Variants in DHX16 observed in about 807,000 individuals in gnomAD.
DHX16 encodes pre-mRNA-splicing factor ATP-dependent RNA helicase DHX16.
Under a neutral mutation model 131.2 loss-of-function variants are expected in DHX16, and 81 were observed. The ratio of observed to expected loss-of-function variants is 0.62; its 90% CI spans 0.52 to 0.74. DHX16 has a LOEUF of 0.74. Among genes scored for constraint, DHX16 ranks in the 30% least tolerant of loss-of-function variants. The pLI is 0.00. For missense variants in DHX16, 980 were observed against 1,363.1 expected (o/e 0.72, Z 4.43); for synonymous variants, 440 against 520.2 (o/e 0.85, Z 2.10).
chr6:30,672,729 G>A lies in DHX16; in HGVS notation c.113C>T (p.Thr38Ile), dbSNP rs1376516811. The change falls in exon 1 of 20, where the codon ACC (threonine) becomes ATC (isoleucine). Residue 38 changes from threonine to isoleucine, a missense_variant. By Grantham distance (89) the Thr-to-Ile change is moderately conservative (BLOSUM62 -1). Coordinates refer to ENST00000376442, the MANE Select transcript of DHX16 (RefSeq NM_003587.5). ...QFLIGTAQRC[T>I]SAEEFVQRLR... ...GCGCTGCACGAACTCCTCGGCAGAG[G>A]TGCAGCGCTGTGCGGTACCGATCAG... The A allele has an allele frequency of 8.1e-6, 13 of 1,612,910 alleles. No homozygotes were observed. The highest frequency in any genetic ancestry group is 1.1e-5 in the South Asian group (1 of 91,086).
intron 4 of DHX16, among the ~76,000 whole-genome samples, chr6:30,669,491 C>A (rs1769335504): frequency 6.6e-6 from 1 of 151,876 alleles, no homozygotes; most frequent in African/African-American, 2.4e-5. Flanking sequence ...GGCATGGTGG[C>A]TCACGCCTGT....
At chr6:30,671,414 C>G in intron 1 of DHX16, 140 bp from the exon 2 acceptor site, 4 of 782,834 alleles carry the variant, frequency 5.1e-6, no homozygotes, top group Non-Finnish European at 8.4e-6. Flanking sequence ...ATGGCGTGAT[C>G]TCGGCTCACT....
chr6:30,659,936 A>G, intron 10 of DHX16, 96 bp downstream of exon 10: 1 of 1,555,184 alleles, frequency 6.4e-7, no homozygotes, highest in Non-Finnish European at 8.8e-7. Flanking sequence ...TTCCCCTTTG[A>G]ACCTTCCATT....
At position 30,665,789 on chromosome 6, in the gene DHX16, T is replaced by C; in HGVS notation, c.667-56A>G. The C allele has an allele frequency of 6.4e-7, 1 of 1,569,268 alleles. No homozygotes were observed. The highest frequency in any genetic ancestry group is 8.6e-7 in the Non-Finnish European group (1 of 1,163,596). On this transcript the variant is annotated intron_variant, in intron 4 of 19. Coordinates refer to ENST00000376442, the MANE Select transcript of DHX16 (RefSeq NM_003587.5). The surrounding 1 kb of genome is among the most constrained non-coding windows in gnomAD (Gnocchi z 4.8). Reference sequence around the variant, plus strand: ...TCTTGCTGGAGGAGCAACCCCTTTCTCTACCAATCCCTACAAGGGAAAAAT... The same window carrying C: ...TCTTGCTGGAGGAGCAACCCCTTTCCCTACCAATCCCTACAAGGGAAAAAT...
At chr6:30,660,960 T>C (rs576345384) in intron 9 of DHX16, among the ~76,000 whole-genome samples, 78 of 151,630 alleles carry the variant, frequency 5.1e-4, no homozygotes, top group Admixed American at 2.0e-3. Flanking sequence ...TGTAGTGGCA[T>C]GATCTCAGCT....
In DHX16 at chr6:30,656,269, A is replaced by C. The variant is rs1767971282; in HGVS notation, c.2431-4T>G. The C allele has an allele frequency of 6.2e-7, 1 of 1,613,864 alleles. No individual in the cohort carries two copies. The highest frequency in any genetic ancestry group is 1.1e-5 in the South Asian group (1 of 91,078). Reference sequence around the variant, plus strand: ...GCTCTGCCATCTTTCGACCAGACTAAGGAGAAGAGAGAGAGAGTTGAGCCC... The same window carrying C: ...GCTCTGCCATCTTTCGACCAGACTACGGAGAAGAGAGAGAGAGTTGAGCCC... On this transcript the variant is annotated splice_region_variant and splice_polypyrimidine_tract_variant and intron_variant, in intron 15 of 19. Transcript: ENST00000376442. The surrounding 1 kb of genome is among the most constrained non-coding windows in gnomAD (Gnocchi z 5.1).
At chr6:30,661,898 T>C in intron 9 of DHX16, 1 of 717,588 alleles carries the variant, frequency 1.4e-6, no homozygotes, top group South Asian at 1.5e-5. Context: ...AAGGATAAAA[T>C]CCTATCTGTC....
intron 4 of DHX16, among the ~76,000 whole-genome samples, chr6:30,668,070 T>C (rs1769204352): frequency 6.6e-6 from 1 of 152,236 alleles, no homozygotes; most frequent in Admixed American, 6.5e-5. Flanking sequence ...TCTTAGTCGA[T>C]ACATAAGAAT....
chr6:30,667,581 C>CAA (rs34046923), intron 4 of DHX16, among the ~76,000 whole-genome samples: 30 of 87,434 alleles, frequency 3.4e-4, no homozygotes, highest in African/African-American at 8.0e-4. Flanking sequence ...GACTCTGTCT[C>CAA]AAAAAAAAAA....
chr6:30,670,433 C>A lies in DHX16; in HGVS notation c.643G>T (p.Ala215Ser), dbSNP rs1169533544. ...ACCATGGCCTTCCGGTCTTCCTCGG[C>A]CATCTTGAGGCGCTTCTGAGCCTCT... ...YEEAQKRLKM[A>S]EEDRKAMVPE... The change falls in exon 4 of 20, where the codon GCC becomes TCC. Residue 215 changes from alanine (A) to serine (S), a missense_variant. Physicochemically the swap from Ala to Ser is moderately conservative, Grantham distance 99 (BLOSUM62 1). This residue lies in a region of DHX16 where 457 missense variants were observed against 554.8 expected (regional missense o/e 0.82). Transcript: ENST00000376442. This position sits in a 1 kb window ranked among gnomAD's most constrained non-coding sequence, Gnocchi z 4.4. 9 of 1,611,308 alleles carry A rather than the reference C, an allele frequency of 5.6e-6. No individual in the cohort carries two copies. The highest frequency in any genetic ancestry group is 7.6e-6 in the Non-Finnish European group (9 of 1,179,196).
rs766194288 is a variant in DHX16, at chr6:30,655,281, C to G, written c.2717G>C (p.Arg906Thr). 3.7e-6 allele frequency: 6 copies of G among 1,614,206 alleles called. No homozygotes were observed. Among genetic ancestry groups the G allele is most frequent in the Non-Finnish European group, 5.1e-6 (6 of 1,180,040 alleles). ...CACATCCCGGGCTCGGCGCATCGAT[C>G]TGAACTGTACAAAGTTCTCATAGCA... Reference protein sequence around the residue: ...QWCYENFVQFRSMRRARDVRE... With the variant: ...QWCYENFVQFTSMRRARDVRE... The change falls in exon 18 of 20, where the codon AGA (arginine) becomes ACA (threonine). Residue 906 changes from arginine (R) to threonine (T), a missense_variant. This residue lies in a region of DHX16 where 214 missense variants were observed against 271.2 expected (regional missense o/e 0.79). Transcript: ENST00000376442.
chr6:30,665,807 G>A lies in DHX16; in HGVS notation c.667-74C>T. On this transcript the variant is annotated intron_variant, in intron 4 of 19. Transcript: ENST00000376442. The surrounding 1 kb of genome is among the most constrained non-coding windows in gnomAD (Gnocchi z 4.8). The stretch of plus-strand genomic sequence containing the variant: ...CCCTTTCTCTACCAATCCCTACAAG[G>A]GAAAAATCCCCTGACAGGCAGGCAT... 1 of 1,532,858 alleles carries A rather than the reference G, an allele frequency of 6.5e-7. No individual in the cohort carries two copies. Among genetic ancestry groups the A allele is most frequent in the South Asian group, 1.2e-5 (1 of 80,290 alleles). 95.0% of individuals were successfully genotyped at this position (1,532,858 alleles called of 1,614,324 possible). A position where few individuals can be genotyped will look rare whatever the true frequency, so the allele number is the denominator to read the frequency against.
At chr6:30,661,796 A>G in intron 9 of DHX16, 2 of 717,828 alleles carry the variant, frequency 2.8e-6, no homozygotes, top group Non-Finnish European at 5.2e-6. Context: ...TCCACAAAGC[A>G]GGCTGGCTCG....
intron 18 of DHX16, 120 bp downstream of exon 18, chr6:30,655,055 G>GAC (rs1767841991): frequency 6.8e-7 from 1 of 1,460,016 alleles, no homozygotes; most frequent in African/African-American, 1.4e-5. Context: ...GGGAGGACAC[G>GAC]TCATACACAA....
chr6:30,664,419 G>A (rs140682184), intron 7 of DHX16, among the ~76,000 whole-genome samples: 1,609 of 148,188 alleles, frequency 0.011, 21 homozygotes, highest in African/African-American at 0.029. Context: ...AGAGGTTGCA[G>A]TAAGCCAAGA....
Position 30,665,362 on chromosome 6 carries a change from C to A in DHX16, c.922-88G>T. The A allele has an allele frequency of 6.3e-7, 1 of 1,585,114 alleles. No homozygotes were observed. The highest frequency in any genetic ancestry group is 8.6e-7 in the Non-Finnish European group (1 of 1,166,006). Reference sequence around the variant, plus strand: ...TTCCCATTACTACCCCCGCCCACTGCCCATTGGGAACGGCAAGGCAAGAAA... The same window carrying A: ...TTCCCATTACTACCCCCGCCCACTGACCATTGGGAACGGCAAGGCAAGAAA... On this transcript the variant is annotated intron_variant, in intron 5 of 19. Transcript: ENST00000376442. The surrounding 1 kb of genome is among the most constrained non-coding windows in gnomAD (Gnocchi z 4.8).
intron 17 of DHX16, 23 bp downstream of exon 17, chr6:30,655,411 TC>T (rs903034118): frequency 1.9e-6 from 3 of 1,613,974 alleles, no homozygotes; most frequent in Non-Finnish European, 2.5e-6. Context: ...TGTCTCTCAT[TC>T]CCACTCACCC....
chr6:30,654,872 G>A lies in DHX16; in HGVS notation c.2831C>T (p.Thr944Ile). 1 of 1,612,438 alleles carries A rather than the reference G, an allele frequency of 6.2e-7. No homozygotes were observed. The highest frequency in any genetic ancestry group is 8.5e-7 in the Non-Finnish European group (1 of 1,179,696). The change falls in exon 19 of 20, where the codon ACT becomes ATT. Residue 944 changes from threonine (T) to isoleucine (I), a missense_variant. This residue lies in a region of DHX16 where 214 missense variants were observed against 271.2 expected (regional missense o/e 0.79). Coordinates refer to ENST00000376442, the MANE Select transcript of DHX16 (RefSeq NM_003587.5). ...GDYIRVRKAI[T>I]AGYFYHTARL... ...TGCCGTGTGGTAAAAGTAACCAGCA[G>A]TGATGGCCTAAGGAGCGGGCAGGAA...
At chr6:30,659,864 G>A (rs1469110817) in intron 10 of DHX16, 30 bp from the exon 11 acceptor site, 1 of 1,606,712 alleles carries the variant, frequency 6.2e-7, no homozygotes. Flanking sequence ...GGGGTCACAG[G>A]AGGGCCACCT....
Sources: allele counts gnomAD v4.1 joint callset (sites outside exome capture counted in the v4.1 genomes callset), GRCh38; gene constraint gnomAD v4.1.1; regional missense constraint gnomAD v4.1.1; non-coding constraint Gnocchi (gnomAD v3.1); transcripts MANE v1.5; gene names NCBI Gene and HGNC (gene_info 2026-07-23, HGNC 2026-07-21).